Variants in RIMS1 observed in about 807,000 individuals in gnomAD.
RIMS1 encodes the protein regulating synaptic membrane exocytosis protein 1.
Under a neutral mutation model 214.1 loss-of-function variants are expected in RIMS1, and 83 were observed. That is an observed-to-expected ratio of 0.39 (90% CI 0.32 to 0.47). The LOEUF (loss-of-function observed/expected upper bound fraction) is 0.47, where lower values mean the gene tolerates loss of function less well. RIMS1 is among the 20% of genes least tolerant of loss of function. The pLI, the probability that RIMS1 is intolerant of heterozygous loss-of-function variation, is 0.99. For missense variants in RIMS1, 2,050 were observed against 2,161.8 expected (o/e 0.95, Z 1.03); for synonymous variants, 793 against 786.8 (o/e 1.01, Z -0.13).
At chr6:72,183,272 G>A in intron 6 of RIMS1, 123 bp downstream of exon 6, 1 of 877,678 alleles carries the variant, frequency 1.1e-6, no homozygotes, top group Non-Finnish European at 1.7e-6. Context: ...AGATAAGATA[G>A]CGTTACCGCC....
chr6:71,980,311 A>G (rs1489249553), intron 2 of RIMS1, among the ~76,000 whole-genome samples: 1 of 152,158 alleles, frequency 6.6e-6, no homozygotes, highest in Non-Finnish European at 1.5e-5. Context: ...CAAAGCATGC[A>G]GTGAATTAAT....
At chr6:72,121,779 G>T (rs1251789483) in intron 4 of RIMS1, among the ~76,000 whole-genome samples, 1 of 151,762 alleles carries the variant, frequency 6.6e-6, no homozygotes, top group African/African-American at 2.4e-5. Flanking sequence ...GTATGATATT[G>T]GCTGTGGGTT....
intron 6 of RIMS1, among the ~76,000 whole-genome samples, chr6:72,231,089 T>C (rs1202606694): frequency 1.3e-5 from 2 of 151,680 alleles, no homozygotes; most frequent in African/African-American, 4.8e-5. Context: ...GGAAAATGTT[T>C]TGTGTTAATG....
intron 29 of RIMS1, among the ~76,000 whole-genome samples, chr6:72,363,434 G>A (rs1330234278): frequency 2.0e-5 from 3 of 152,132 alleles, no homozygotes; most frequent in Admixed American, 1.3e-4. Context: ...TGCATAATTT[G>A]ATTCGCAGAT....
At chr6:71,901,708 A>G (rs1303663691) in intron 1 of RIMS1, among the ~76,000 whole-genome samples, 1 of 152,134 alleles carries the variant, frequency 6.6e-6, no homozygotes, top group Non-Finnish European at 1.5e-5. Flanking sequence ...TATTATACAT[A>G]TGTATGCATT....
At chr6:72,368,132 A>G (rs1346522845) in intron 29 of RIMS1, among the ~76,000 whole-genome samples, 1 of 150,758 alleles carries the variant, frequency 6.6e-6, no homozygotes, top group East Asian at 1.9e-4. Flanking sequence ...CATTATGCTT[A>G]ACCAACTGCA....
At chr6:71,937,869 T>G (rs1195304838) in intron 1 of RIMS1, among the ~76,000 whole-genome samples, 2 of 152,170 alleles carry the variant, frequency 1.3e-5, no homozygotes, top group Admixed American at 1.3e-4. Flanking sequence ...CAAAATATAT[T>G]CATTCCATTC....
At chr6:71,907,965 T>G (rs1775753465) in intron 1 of RIMS1, among the ~76,000 whole-genome samples, 1 of 152,190 alleles carries the variant, frequency 6.6e-6, no homozygotes. Flanking sequence ...TGTTTTTCCT[T>G]CAAATTTGAA....
intron 22 of RIMS1, 138 bp from the exon 23 acceptor site, chr6:72,274,211 A>G: frequency 1.8e-6 from 1 of 543,690 alleles, no homozygotes; most frequent in Non-Finnish European, 3.4e-6. Context: ...ATAACAGTGA[A>G]GATTTTAAAT....
At chr6:72,294,134 C>CAAAA in intron 26 of RIMS1, among the ~76,000 whole-genome samples, 1 of 151,500 alleles carries the variant, frequency 6.6e-6, no homozygotes, top group Non-Finnish European at 1.5e-5. Context: ...TACCGTCTGC[C>CAAAA]ATCATCTTTT....
intron 1 of RIMS1, among the ~76,000 whole-genome samples, chr6:71,892,217 G>A (rs1770112318): frequency 6.6e-6 from 1 of 152,154 alleles, no homozygotes; most frequent in South Asian, 2.1e-4. Context: ...TCCCTCATCT[G>A]TTGGAAAGGA....
At chr6:72,381,850 A>G (rs944806969) in intron 29 of RIMS1, among the ~76,000 whole-genome samples, 8 of 152,246 alleles carry the variant, frequency 5.3e-5, no homozygotes, top group African/African-American at 1.2e-4. Flanking sequence ...GTTCGAACAG[A>G]TGAATCCTTT....
At chr6:72,014,399 T>C (rs2151891504) in intron 2 of RIMS1, among the ~76,000 whole-genome samples, 1 of 152,372 alleles carries the variant, frequency 6.6e-6, no homozygotes, top group South Asian at 2.1e-4. Context: ...GCATAATCTT[T>C]CAAGGTTCAT....
chr6:72,311,190 G>C (rs2095492699), intron 27 of RIMS1, among the ~76,000 whole-genome samples: 1 of 152,156 alleles, frequency 6.6e-6, no homozygotes, highest in African/African-American at 2.4e-5. Context: ...TTCTGTCATG[G>C]GCAAGGTATC....
In RIMS1 at chr6:72,392,829, T is replaced by C. The variant is rs2098721090; in HGVS notation, c.4618+19T>C. The C allele has an allele frequency of 6.6e-7, 1 of 1,526,414 alleles. No homozygotes were observed. The highest frequency in any genetic ancestry group is 1.2e-5 in the South Asian group (1 of 85,758). The allele number at this position is 1,526,414 out of a possible 1,614,324, so 94.6% of individuals were successfully genotyped here. A position where few individuals can be genotyped will look rare whatever the true frequency, so the allele number is the denominator to read the frequency against. On this transcript the variant is annotated intron_variant, in intron 31 of 33. Transcript: ENST00000521978. ...GCAATGGGTAAGAATCATTTTTTTT[T>C]TCTACAAGAAAATTGATGTTTTGTG...
chr6:72,349,865 A>G (rs2097383327), intron 29 of RIMS1, among the ~76,000 whole-genome samples: 1 of 152,128 alleles, frequency 6.6e-6, no homozygotes, highest in East Asian at 1.9e-4. Context: ...TTAAGAAAAT[A>G]TTACATAAAA....
At chr6:72,313,363 A>G (rs1411183161) in intron 27 of RIMS1, 143 bp from the exon 28 acceptor site, 4 of 617,804 alleles carry the variant, frequency 6.5e-6, no homozygotes, top group Non-Finnish European at 1.1e-5. Context: ...ATATGGTAGT[A>G]TTTGGATTAT....
intron 4 of RIMS1, among the ~76,000 whole-genome samples, chr6:72,114,358 G>T (rs765667678): frequency 2.6e-5 from 4 of 151,932 alleles, no homozygotes; most frequent in Non-Finnish European, 4.4e-5. Context: ...GAAAAGTGAG[G>T]CCAGAGAAGT....
At chr6:72,362,094 A>G (rs975053541) in intron 29 of RIMS1, among the ~76,000 whole-genome samples, 1 of 152,168 alleles carries the variant, frequency 6.6e-6, no homozygotes, top group Non-Finnish European at 1.5e-5. Context: ...GCACACTGAT[A>G]TCCATGGATA....
Sources: gnomAD v4.1 joint callset for allele counts (sites outside exome capture counted in the v4.1 genomes callset) on GRCh38, gnomAD v4.1.1 for gene constraint, MANE v1.5 for transcripts, NCBI Gene and HGNC (gene_info 2026-07-23, HGNC 2026-07-21) for gene names.